Variants in FGF13 observed in about 807,000 individuals in gnomAD.
FGF13 encodes the protein fibroblast growth factor 13.
In FGF13, 2 loss-of-function variants were observed where a neutral mutation model predicts 19.5. The observed-to-expected ratio is 0.10, with a 90% CI of 0.04 to 0.32. The LOEUF (loss-of-function observed/expected upper bound fraction) is 0.32, where lower values mean the gene tolerates loss of function less well. FGF13 is among the 10% of genes least tolerant of loss of function. The pLI, the probability that FGF13 is intolerant of heterozygous loss-of-function variation, is 1.00. For missense variants in FGF13, 113 were observed against 192.7 expected (o/e 0.59, Z 2.45); for synonymous variants, 72 against 76.9 (o/e 0.94, Z 0.33).
intron 1 of FGF13, among the ~76,000 whole-genome samples, chrX:139,179,544 C>T (rs766982078): frequency 9.0e-6 from 1 of 110,718 alleles, no homozygotes; most frequent in African/African-American, 3.3e-5. Context: ...CTTAACAGCT[C>T]TATGCCTTAG....
At chrX:138,785,198 C>T in intron 3 of FGF13, among the ~76,000 whole-genome samples, 1 of 112,076 alleles carries the variant, frequency 8.9e-6, no homozygotes, top group East Asian at 2.8e-4. Flanking sequence ...ACTCCTCCAA[C>T]TGTGCTCAGT....
chrX:138,711,396 CCCT>C lies in FGF13; in HGVS notation c.-396_-394del, dbSNP rs1203803220. ...TTCGCCGGACCCCCTCGCCCTGTTG[CCCT>C]TCTGATGGGGGCCAGAGGAGGGAGG... is the stretch of plus-strand genomic sequence containing the variant. On this transcript the variant is annotated 5_prime_UTR_variant, in exon 1 of 5. Transcript: ENST00000315930. 5.0e-5 allele frequency: 23 copies of C among 457,443 alleles called. 3 individuals carry two copies. The East Asian group carries it at 2.4e-3, about 48-fold the overall frequency. 37.7% of individuals were successfully genotyped at this position (457,443 alleles called of 1,213,427 possible).
At chrX:139,089,813 A>G (rs758427314) in intron 1 of FGF13, among the ~76,000 whole-genome samples, 1 of 112,053 alleles carries the variant, frequency 8.9e-6, no homozygotes, top group Non-Finnish European at 1.9e-5. Context: ...TGTTACTGAT[A>G]GGTAATAGTA....
intron 1 of FGF13, among the ~76,000 whole-genome samples, chrX:139,123,749 GGTGTTGAATAACAAT>G (rs763253987): frequency 2.6e-4 from 29 of 112,374 alleles, no homozygotes; most frequent in South Asian, 7.4e-4. Context: ...GCACACAGCA[GGTGTTGAATAACAAT>G]GTGTTGAATA....
At chrX:138,969,412 T>A (rs1281211818) in intron 1 of FGF13, among the ~76,000 whole-genome samples, 2 of 111,484 alleles carry the variant, frequency 1.8e-5, no homozygotes, top group Non-Finnish European at 3.8e-5. Context: ...TCTAGGCTGG[T>A]TTCTAGGTTT....
At chrX:138,834,596 A>G (rs2091098283) in intron 3 of FGF13, among the ~76,000 whole-genome samples, 1 of 109,295 alleles carries the variant, frequency 9.1e-6, no homozygotes, top group Non-Finnish European at 1.9e-5. Context: ...TTTCAAAAAA[A>G]AAACAAAACA....
chrX:139,187,861 C>G (rs367544460), intron 1 of FGF13, among the ~76,000 whole-genome samples: 1 of 112,056 alleles, frequency 8.9e-6, no homozygotes, highest in Admixed American at 9.4e-5. Context: ...CCAGGACTAT[C>G]CACGTAACTA....
intron 1 of FGF13, among the ~76,000 whole-genome samples, chrX:139,118,475 G>A (rs2083655056): frequency 9.0e-6 from 1 of 111,717 alleles, no homozygotes; most frequent in East Asian, 2.8e-4. Flanking sequence ...AGAGGAAACA[G>A]ACAGAAAAGG....
chrX:139,098,823 A>C (rs1428139469), intron 1 of FGF13, among the ~76,000 whole-genome samples: 1 of 111,753 alleles, frequency 8.9e-6, no homozygotes, highest in Non-Finnish European at 1.9e-5. Context: ...AGAACCCCAA[A>C]TCTCAACATC....
chrX:139,078,379 C>T (rs1246285473), intron 1 of FGF13, among the ~76,000 whole-genome samples: 2 of 111,138 alleles, frequency 1.8e-5, no homozygotes, highest in Non-Finnish European at 3.8e-5. Flanking sequence ...TTGCACAGTG[C>T]TCACTAAGCC....
At chrX:138,814,362 C>T (rs2090947558) in intron 3 of FGF13, among the ~76,000 whole-genome samples, 1 of 109,856 alleles carries the variant, frequency 9.1e-6, no homozygotes, top group Admixed American at 9.8e-5. Flanking sequence ...GTTGGGATTG[C>T]ATCAAACTAA....
intron 1 of FGF13, among the ~76,000 whole-genome samples, chrX:139,120,474 A>G (rs959259686): frequency 2.7e-5 from 3 of 111,508 alleles, no homozygotes; most frequent in Non-Finnish European, 5.6e-5. Context: ...AACTTGCCCG[A>G]GGTCCCAAAG....
At chrX:138,775,375 C>G (rs1311212795) in intron 3 of FGF13, among the ~76,000 whole-genome samples, 1 of 112,199 alleles carries the variant, frequency 8.9e-6, no homozygotes, top group African/African-American at 3.2e-5. Context: ...AGAAAAAGTT[C>G]ATAGTTCTTG....
intron 1 of FGF13, among the ~76,000 whole-genome samples, chrX:138,734,705 T>C (rs1350262220): frequency 8.9e-6 from 1 of 111,828 alleles, no homozygotes. Context: ...AAAGCATCTT[T>C]CCTAGTTCTA....
Position 138,974,177 on chromosome X carries a change from T to C in FGF13, c.-112-109527A>G, listed in dbSNP as rs144298939. 5.0e-3 allele frequency among the ~76,000 whole-genome samples: 556 copies of C among 111,974 alleles called. 5 individuals carry two copies. The highest frequency in any genetic ancestry group is 0.017 in the African/African-American group (538 of 30,772). ...TTACCCAGTCTGCAGCATTCTGTTA[T>C]AGCAGCAGAAAACAAAATAAGACAA... On this transcript the variant is annotated intron_variant, in intron 1 of 2. Transcript: ENST00000421460.
At position 138,632,957 on chromosome X, in the gene FGF13, C is replaced by T. The variant is rs1264974671; in HGVS notation, c.631G>A (p.Asp211Asn). 2.5e-6 allele frequency: 3 copies of T among 1,207,489 alleles called. No individual in the cohort carries two copies. The highest frequency in any genetic ancestry group is 3.4e-6 in the Non-Finnish European group (3 of 894,180). Residue 211 changes from aspartate (D) to asparagine (N), a missense_variant, in exon 5 of 5, where the codon GAT (aspartate) becomes AAT (asparagine). Around this residue, in one of 4 missense-constraint regions of FGF13, gnomAD observed 43 missense variants for 41.4 expected, o/e 1.04. Coordinates refer to ENST00000315930, the MANE Select transcript of FGF13 (RefSeq NM_004114.5). ...VAMYKEPSLH[D>N]LTEFSRSGSG... Reference sequence around the variant, plus strand: ...CCAGATCGGGAGAACTCCGTGAGATCGTGCAGTGATGGCTCCTTGTACATG... The same window carrying T: ...CCAGATCGGGAGAACTCCGTGAGATTGTGCAGTGATGGCTCCTTGTACATG...
intron 1 of FGF13, among the ~76,000 whole-genome samples, chrX:138,869,648 T>C (rs7887496): frequency 5.3e-5 from 6 of 112,365 alleles, no homozygotes; most frequent in Non-Finnish European, 1.1e-4. Flanking sequence ...TCTACCTATT[T>C]GCTGTGGAGG....
intron 1 of FGF13, chrX:138,990,422 C>T (rs1443271428): frequency 9.1e-6 from 1 of 110,136 alleles, no homozygotes; most frequent in African/African-American, 3.3e-5. Context: ...AACCAGAGCC[C>T]CTGTATTAGT....
chrX:139,078,513 A>C (rs1396081040), intron 1 of FGF13, among the ~76,000 whole-genome samples: 1 of 112,650 alleles, frequency 8.9e-6, no homozygotes, highest in Non-Finnish European at 1.9e-5. Context: ...TAAGACTTTG[A>C]AAAATATTCT....
Sources: allele counts gnomAD v4.1 joint callset (sites outside exome capture counted in the v4.1 genomes callset), GRCh38; gene constraint gnomAD v4.1.1; regional missense constraint gnomAD v4.1.1; transcripts MANE v1.5; gene names NCBI Gene and HGNC (gene_info 2026-07-23, HGNC 2026-07-21).